TRIO: variants seen among roughly 807,000 people sequenced by gnomAD.
The protein encoded by TRIO is trio Rho guanine nucleotide exchange factor.
In TRIO, 58 loss-of-function variants were observed where a neutral mutation model predicts 351.9. The observed-to-expected ratio is 0.16, with a 90% CI of 0.13 to 0.21. The LOEUF is 0.21. Among genes scored for constraint, TRIO ranks in the 10% least tolerant of loss-of-function variants. The pLI is 1.00. For synonymous variants in TRIO, 1,758 were observed against 1,595.7 expected, an observed-to-expected ratio of 1.10 and a Z score of -2.42; for missense variants, 3,201 against 4,027.8, an observed-to-expected ratio of 0.79 and a Z score of 5.56.
At chr5:14,268,336 T>G (rs996746367) in intron 1 of TRIO, among the ~76,000 whole-genome samples, 3 of 152,198 alleles carry the variant, frequency 2.0e-5, no homozygotes, top group African/African-American at 7.2e-5. Context: ...TAGGTGTGAT[T>G]CAGAAAGTTA....
intron 1 of TRIO, among the ~76,000 whole-genome samples, chr5:14,229,996 G>T (rs371641456): frequency 1.3e-5 from 2 of 152,294 alleles, no homozygotes; most frequent in East Asian, 1.9e-4. Context: ...TGAAGGACTT[G>T]TGACCAGTCT....
At chr5:14,424,148 G>A (rs984897005) in intron 34 of TRIO, among the ~76,000 whole-genome samples, 1 of 152,032 alleles carries the variant, frequency 6.6e-6, no homozygotes, top group Non-Finnish European at 1.5e-5. Context: ...TTCCTGTCAG[G>A]AGGCCTGAGA....
At chr5:14,404,081 G>T (rs888568354) in intron 31 of TRIO, among the ~76,000 whole-genome samples, 1 of 149,404 alleles carries the variant, frequency 6.7e-6, no homozygotes, top group Admixed American at 6.6e-5. Flanking sequence ...GAGGGTGCAG[G>T]TTGTGGTGGT....
At chr5:14,335,832 G>A (rs42203) in intron 10 of TRIO, among the ~76,000 whole-genome samples, 86,218 of 151,774 alleles carry the variant, frequency 0.57, 24,772 homozygotes, top group Non-Finnish European at 0.6. Context: ...GGGCATGGTA[G>A]CGCATGTCTG....
intron 1 of TRIO, among the ~76,000 whole-genome samples, chr5:14,200,856 G>T (rs1461966534): frequency 1.3e-5 from 2 of 152,078 alleles, no homozygotes; most frequent in East Asian, 3.8e-4. Flanking sequence ...CTTCTCTTTT[G>T]TTAAACAGCT....
At chr5:14,371,035 C>G (rs1176301446) in intron 18 of TRIO, among the ~76,000 whole-genome samples, 1 of 152,194 alleles carries the variant, frequency 6.6e-6, no homozygotes, top group Non-Finnish European at 1.5e-5. Flanking sequence ...AAATGCTATA[C>G]AACCATTGAT....
chr5:14,258,543 A>G (rs142092352), intron 1 of TRIO, among the ~76,000 whole-genome samples: 1,609 of 152,282 alleles, frequency 0.011, 22 homozygotes, highest in African/African-American at 0.035. Context: ...AGGAAAACAG[A>G]TTCCCCAGCC....
chr5:14,430,754 C>T (rs1751038194), intron 34 of TRIO, among the ~76,000 whole-genome samples: 1 of 151,852 alleles, frequency 6.6e-6, no homozygotes, highest in African/African-American at 2.4e-5. Context: ...CTTGCTCTGT[C>T]ACCCAGGCTG....
chr5:14,414,784 A>T (rs1437682149), intron 33 of TRIO, among the ~76,000 whole-genome samples: 1 of 152,006 alleles, frequency 6.6e-6, no homozygotes, highest in African/African-American at 2.4e-5. Flanking sequence ...TTGGAATTTG[A>T]CCTTATGTAA....
chr5:14,344,788 A>G (rs1742268177), intron 11 of TRIO, among the ~76,000 whole-genome samples: 1 of 152,180 alleles, frequency 6.6e-6, no homozygotes, highest in South Asian at 2.1e-4. Flanking sequence ...CCTATTCTTA[A>G]CATCAAAACC....
intron 1 of TRIO, among the ~76,000 whole-genome samples, chr5:14,187,685 A>C (rs1322928221): frequency 1.3e-5 from 2 of 152,244 alleles, no homozygotes; most frequent in Non-Finnish European, 2.9e-5. Context: ...GCCACATAAA[A>C]GTCCAATTAA....
At chr5:14,392,233 T>C (rs537627728) in intron 27 of TRIO, among the ~76,000 whole-genome samples, 2 of 140,226 alleles carry the variant, frequency 1.4e-5, no homozygotes, top group South Asian at 4.2e-4. Flanking sequence ...CTTAAACAAA[T>C]TTACAAGAAA....
intron 8 of TRIO, among the ~76,000 whole-genome samples, chr5:14,306,209 A>T (rs1436005519): frequency 6.7e-6 from 1 of 148,568 alleles, no homozygotes; most frequent in Non-Finnish European, 1.5e-5. Flanking sequence ...GCCTAATAAG[A>T]TACAGTTTTT....
intron 13 of TRIO, among the ~76,000 whole-genome samples, chr5:14,363,072 T>C (rs552021874): frequency 2.0e-5 from 3 of 151,666 alleles, no homozygotes; most frequent in South Asian, 4.2e-4. Context: ...CATCTCAGCT[T>C]ACTGCAACCT....
rs768858988 is a variant in TRIO, at chr5:14,498,161, G to A, written c.8120G>A (p.Arg2707Gln). The A allele has an allele frequency of 3.9e-5, 63 of 1,614,062 alleles. No homozygotes were observed. The highest frequency in any genetic ancestry group is 8.3e-5 in the Admixed American group (5 of 60,012). Residue 2707 changes from arginine to glutamine, a missense_variant, in exon 52 of 57, where the codon CGA (arginine) becomes CAA (glutamine). Arg to Gln is a conservative substitution (Grantham distance 43). Coordinates refer to ENST00000344204, the MANE Select transcript of TRIO (RefSeq NM_007118.4). ...GGGGAGACCGTTGTTCTTAGATGTC[G>A]AGTCTGTGGCCGCCCCAAAGCCTCA... ...ETGETVVLRC[R>Q]VCGRPKASIT... is the part of the protein sequence containing the mutation.
At chr5:14,357,425 A>C (rs1442967324) in intron 11 of TRIO, among the ~76,000 whole-genome samples, 1 of 152,180 alleles carries the variant, frequency 6.6e-6, no homozygotes, top group Admixed American at 6.5e-5. Flanking sequence ...GAGTTAATGG[A>C]CTTTCAGGAA....
chr5:14,424,239 A>T (rs777638896), intron 34 of TRIO, among the ~76,000 whole-genome samples: 3 of 152,114 alleles, frequency 2.0e-5, no homozygotes, highest in Non-Finnish European at 4.4e-5. Flanking sequence ...CTTTATGAGC[A>T]AAGGCCGATT....
At chr5:14,503,337 A>T (rs1757425455) in intron 54 of TRIO, among the ~76,000 whole-genome samples, 1 of 152,254 alleles carries the variant, frequency 6.6e-6, no homozygotes, top group Admixed American at 6.5e-5. Context: ...ATAACTAGTC[A>T]CATGGCTCCT....
At chr5:14,153,669 G>C (rs977685482) in intron 1 of TRIO, among the ~76,000 whole-genome samples, 1 of 152,114 alleles carries the variant, frequency 6.6e-6, no homozygotes, top group South Asian at 2.1e-4. Flanking sequence ...TAGGGCAAGC[G>C]ACCTGCTTGC....
Sources: gnomAD v4.1 joint callset for allele counts (sites outside exome capture counted in the v4.1 genomes callset) on GRCh38, gnomAD v4.1.1 for gene constraint, MANE v1.5 for transcripts, NCBI Gene and HGNC (gene_info 2026-07-23, HGNC 2026-07-21) for gene names.